MFSD12: variants seen among roughly 807,000 people sequenced by gnomAD.
MFSD12 encodes the protein major facilitator superfamily domain-containing protein 12.
MFSD12 carries 67 observed loss-of-function variants against 51.2 expected under a neutral mutation model. The observed-to-expected ratio is 1.31, with a 90% CI of 1.08 to 1.60. The LOEUF (loss-of-function observed/expected upper bound fraction) is 1.60. MFSD12 is among the 40% of genes most tolerant of loss of function. The pLI is 0.00. For synonymous variants in MFSD12, 441 were observed against 316.7 expected, an observed-to-expected ratio of 1.39 and a Z score of -4.17; for missense variants, 921 against 673.0, an observed-to-expected ratio of 1.37 and a Z score of -4.08.
At chr19:3,544,070 G>C, downstream of MFSD12, 3 of 1,467,500 alleles carry the variant, frequency 2.0e-6, no homozygotes, top group Non-Finnish European at 2.7e-6. Flanking sequence ...CACTAACCTA[G>C]TCCCAGGGGA....
intron 6 of MFSD12, among the ~76,000 whole-genome samples, chr19:3,547,050 G>A (rs1395580069): frequency 2.0e-5 from 3 of 152,196 alleles, no homozygotes; most frequent in Non-Finnish European, 4.4e-5. Flanking sequence ...GTGTTAGCCA[G>A]GATGGTCTCG....
chr19:3,546,807 A>G (rs1196408877), intron 6 of MFSD12, among the ~76,000 whole-genome samples: 2 of 152,072 alleles, frequency 1.3e-5, no homozygotes, highest in Non-Finnish European at 2.9e-5. Context: ...AGAAGCCAGG[A>G]TCCTAGAATT....
At chr19:3,539,553 AGG>A, downstream of MFSD12, 1 of 449,782 alleles carries the variant, frequency 2.2e-6, no homozygotes, top group Non-Finnish European at 4.1e-6. Flanking sequence ...TCTGAAATCC[AGG>A]CCTGTGCGGG....
intron 1 of MFSD12, among the ~76,000 whole-genome samples, chr19:3,554,293 C>T (rs961893248): frequency 4.0e-5 from 6 of 151,172 alleles, no homozygotes; most frequent in Admixed American, 2.6e-4. Flanking sequence ...AAAAATTAGC[C>T]GGCTTTGGTG....
intron 2 of MFSD12, among the ~76,000 whole-genome samples, chr19:3,548,726 T>C (rs543798101): frequency 2.2e-4 from 33 of 152,282 alleles, no homozygotes; most frequent in Middle Eastern, 3.4e-3. Flanking sequence ...CAGTCTCTCT[T>C]TCTGAAAGCG....
downstream of MFSD12, among the ~76,000 whole-genome samples, chr19:3,541,186 A>AG (rs1300077820): frequency 1.4e-5 from 2 of 148,124 alleles, no homozygotes; most frequent in Non-Finnish European, 3.0e-5. Flanking sequence ...AAAAAAAAAA[A>AG]TCAACCAGGC....
chr19:3,546,215 G>A (rs370358161), intron 7 of MFSD12, 40 bp downstream of exon 7: 8 of 1,607,448 alleles, frequency 5.0e-6, no homozygotes, highest in Middle Eastern at 3.3e-4. Context: ...CGAGATCTAG[G>A]ACCCGGCCTC....
At position 3,547,477 on chromosome 19, in the gene MFSD12, G is replaced by C. The variant is rs1179054768; in HGVS notation, c.908C>G (p.Thr303Ser). 6.2e-7 allele frequency: 1 copy of C among 1,613,080 alleles called. No individual in the cohort carries two copies. The highest frequency in any genetic ancestry group is 1.3e-5 in the African/African-American group (1 of 74,946). The change falls in exon 5 of 10, where the codon ACC becomes AGC. Residue 303 changes from threonine (T) to serine (S), a missense_variant. Thr to Ser is a moderately conservative substitution (Grantham distance 58). Coordinates refer to ENST00000355415, the MANE Select transcript of MFSD12 (RefSeq NM_174983.5). ...LSQTYMAMYL[T>S]YSLHLPKKFI... is the part of the protein sequence containing the mutation. Reference sequence around the variant, plus strand: ...CACCTTGGGCAGGTGGAGCGAGTAGGTGAGGTACATGGCCATGTAGGTCTG... The same window carrying C: ...CACCTTGGGCAGGTGGAGCGAGTAGCTGAGGTACATGGCCATGTAGGTCTG...
At chr19:3,545,045 C>CA in intron 8 of MFSD12, 106 bp from the exon 9 acceptor site, 1 of 1,422,420 alleles carries the variant, frequency 7.0e-7, no homozygotes, top group Non-Finnish European at 9.3e-7. Flanking sequence ...CCGTCCTGTC[C>CA]AATCCAGGAG....
rs2031155261 is a variant in MFSD12, at chr19:3,547,377, A to AGCCAGGCATGCCGTGTCAGTCATGGCTC, written c.931-41_931-14dup. On this transcript the variant is annotated splice_polypyrimidine_tract_variant and intron_variant, in intron 5 of 9. Transcript: ENST00000355415. ...TCGCGATGAACTTCTGCGGAGGCAG[A>AGCCAGGCATGCCGTGTCAGTCATGGCTC]GCCAGGCATGCCGTGTCAGTCATGG... The AGCCAGGCATGCCGTGTCAGTCATGGCTC allele has an allele frequency of 1.2e-6, 2 of 1,612,980 alleles. No individual in the cohort carries two copies. The highest frequency in any genetic ancestry group is 1.7e-6 in the Non-Finnish European group (2 of 1,179,880).
chr19:3,550,430 C>T (rs1296089903), intron 2 of MFSD12, among the ~76,000 whole-genome samples: 6 of 151,308 alleles, frequency 4.0e-5, no homozygotes, highest in Admixed American at 1.3e-4. Flanking sequence ...CTCGCTCTGT[C>T]GCCCAGGCTG....
chr19:3,547,687 C>T lies in MFSD12; in HGVS notation c.838-140G>A, dbSNP rs142317543. 699 of 1,178,896 alleles carry T rather than the reference C, an allele frequency of 5.9e-4. 14 individuals are homozygous for T. In the Middle Eastern group the frequency reaches 5.9e-3, roughly 10 times the overall value. The allele number at this position is 1,178,896 out of a possible 1,614,324, so 73.0% of individuals were successfully genotyped here. A position where few individuals can be genotyped will look rare whatever the true frequency, so the allele number is the denominator to read the frequency against. The stretch of plus-strand genomic sequence containing the variant: ...GTAGTGACTGCCCAGTGGGGTGGGC[C>T]AGGAAGAGGAGAGCAGCACTTGATG... On this transcript the variant is annotated intron_variant, in intron 4 of 9. Transcript: ENST00000355415.
chr19:3,546,187 G>C lies in MFSD12; in HGVS notation c.1195-19C>G. The C allele has an allele frequency of 8.1e-6, 13 of 1,611,270 alleles. No homozygotes were observed. Among genetic ancestry groups the C allele is most frequent in the Non-Finnish European group, 1.1e-5 (13 of 1,178,694 alleles). ...CGCTGTTCTGTGGAGACACAGGCGA[G>C]GTGGTCAGCGTGCACCCCGAGATCT... is the stretch of plus-strand genomic sequence containing the variant. On this transcript the variant is annotated intron_variant, in intron 7 of 9. Transcript: ENST00000355415.
At chr19:3,547,634 C>G in intron 4 of MFSD12, 87 bp from the exon 5 acceptor site, 1 of 1,296,450 alleles carries the variant, frequency 7.7e-7, no homozygotes, top group South Asian at 1.3e-5. Context: ...CCAGGGTGGG[C>G]GCCCTGCAGC....
At chr19:3,540,254 A>G (rs945636277), downstream of MFSD12, among the ~76,000 whole-genome samples, 1 of 148,972 alleles carries the variant, frequency 6.7e-6, no homozygotes, top group Admixed American at 6.6e-5. Flanking sequence ...CCACATGCCC[A>G]GCTAATTTTT....
rs774393916 is a variant in MFSD12, at chr19:3,557,371, C to T, written c.33G>A (p.Ala11=). 2.6e-5 allele frequency: 38 copies of T among 1,474,986 alleles called. No individual in the cohort carries two copies. Among genetic ancestry groups the T allele is most frequent in the South Asian group, 2.2e-4 (17 of 75,788 alleles). The allele number at this position is 1,474,986 out of a possible 1,614,324, so 91.4% of individuals were successfully genotyped here. A position where few individuals can be genotyped will look rare whatever the true frequency, so the allele number is the denominator to read the frequency against. Reference sequence around the variant, plus strand: ...CCAGGGACAGCGGCCGCGGGGACGGCGCCGCTCCGGCCGCTGGGGGTCCCG... The same window carrying T: ...CCAGGGACAGCGGCCGCGGGGACGGTGCCGCTCCGGCCGCTGGGGGTCCCG... MGPGPPAAGA[A]PSPRPLSLVA... is the part of the protein sequence containing the mutation. The change falls in exon 1 of 10, where the codon GCG becomes GCA. Residue 11 remains alanine (A), a synonymous_variant. Transcript: ENST00000355415.
rs1186969311 is a variant in MFSD12, at chr19:3,551,181, G to A, written c.312C>T (p.Val104=). Residue 104 remains valine, a synonymous_variant, in exon 2 of 10, where the codon GTC becomes GTT. Coordinates refer to ENST00000355415, the MANE Select transcript of MFSD12 (RefSeq NM_174983.5). The surrounding 1 kb of genome is among the most constrained non-coding windows in gnomAD (Gnocchi z 4.6). ...TGAAGATGAAGGGGAAGGACAGCAG[G>A]ACGCAGACGGTGCCTGTGGAAGGCA... is the stretch of plus-strand genomic sequence containing the variant. The part of the protein sequence containing the change: ...KAWHLVGTVC[V]LLSFPFIFSP... 1 of 1,607,844 alleles carries A rather than the reference G, an allele frequency of 6.2e-7. No individual in the cohort carries two copies. Among genetic ancestry groups the A allele is most frequent in the South Asian group, 1.1e-5 (1 of 90,668 alleles).
intron 1 of MFSD12, among the ~76,000 whole-genome samples, chr19:3,553,335 T>G (rs2031569421): frequency 6.6e-6 from 1 of 150,774 alleles, no homozygotes; most frequent in African/African-American, 2.4e-5. Flanking sequence ...TGGCCAGGAG[T>G]GGTGGATCAT....
chr19:3,543,491 C>A (rs922551667), downstream of MFSD12: 26 of 1,515,992 alleles, frequency 1.7e-5, no homozygotes, highest in Non-Finnish European at 2.2e-5. Flanking sequence ...CCCCCCCCCC[C>A]GCCCTGGGCA....
Sources: gnomAD v4.1 joint callset for allele counts (sites outside exome capture counted in the v4.1 genomes callset) on GRCh38, gnomAD v4.1.1 for gene constraint, Gnocchi (gnomAD v3.1) non-coding constraint, MANE v1.5 for transcripts, NCBI Gene and HGNC (gene_info 2026-07-23, HGNC 2026-07-21) for gene names.